RNF157: variants seen among roughly 807,000 people sequenced by gnomAD.
The protein encoded by RNF157 is ring finger protein 157.
A neutral mutation model predicts 88.3 loss-of-function variants in RNF157; 55 were observed. That is an observed-to-expected ratio of 0.62 (90% CI 0.50 to 0.78). RNF157 has a LOEUF of 0.78. Ranked by LOEUF, RNF157 falls within the 30% of genes least tolerant of loss-of-function variation. The probability of loss-of-function intolerance (pLI) is 0.00; values close to 1 mark genes in which losing one functional copy is unlikely to be tolerated. For missense variants in RNF157, 788 were observed against 860.8 expected, an observed-to-expected ratio of 0.92 and a Z score of 1.06; for synonymous variants, 334 against 341.2, an observed-to-expected ratio of 0.98 and a Z score of 0.23.
intron 2 of RNF157, among the ~76,000 whole-genome samples, chr17:76,192,426 G>C (rs1306354012): frequency 1.3e-5 from 2 of 152,068 alleles, no homozygotes; most frequent in Non-Finnish European, 2.9e-5. Context: ...TAAACTTGAG[G>C]GCAAAATCCA....
chr17:76,222,451 G>A (rs775793730), intron 1 of RNF157, among the ~76,000 whole-genome samples: 14 of 152,014 alleles, frequency 9.2e-5, no homozygotes, highest in African/African-American at 1.9e-4. Context: ...TTTATGTTAC[G>A]TGAACTTCGC....
At chr17:76,165,413 A>G in intron 7 of RNF157, 89 bp downstream of exon 7, 1 of 1,334,084 alleles carries the variant, frequency 7.5e-7, no homozygotes, top group Non-Finnish European at 1.1e-6. Context: ...CATTCTGCTG[A>G]GCTCAGGCAC....
At chr17:76,198,401 A>G (rs940211560) in intron 2 of RNF157, among the ~76,000 whole-genome samples, 14 of 152,180 alleles carry the variant, frequency 9.2e-5, no homozygotes, top group African/African-American at 3.4e-4. Flanking sequence ...TGATTCCAAA[A>G]CTGCCACAGA....
chr17:76,159,274 G>A (rs1340298039), intron 12 of RNF157, 61 bp downstream of exon 12: 10 of 1,427,312 alleles, frequency 7.0e-6, no homozygotes, highest in Admixed American at 3.4e-5. Context: ...CAGCACCAAG[G>A]AGGGATGAAG....
At chr17:76,158,362 C>T (rs761569954) in intron 13 of RNF157, 31 bp downstream of exon 13, 10 of 1,469,346 alleles carry the variant, frequency 6.8e-6, no homozygotes, top group Non-Finnish European at 9.5e-7. Flanking sequence ...TGGAGTACAA[C>T]ACCCAAGAAG....
intron 2 of RNF157, among the ~76,000 whole-genome samples, chr17:76,211,272 T>G (rs1397153408): frequency 6.6e-6 from 1 of 152,240 alleles, no homozygotes; most frequent in Non-Finnish European, 1.5e-5. Flanking sequence ...GCCTGTGCCG[T>G]GCTCTACTCC....
At chr17:76,148,128 A>G (rs570710313) in intron 18 of RNF157, among the ~76,000 whole-genome samples, 4 of 152,288 alleles carry the variant, frequency 2.6e-5, no homozygotes, top group Admixed American at 2.6e-4. Flanking sequence ...AGGCCTCTCA[A>G]AAAGAGGAGA....
intron 1 of RNF157, among the ~76,000 whole-genome samples, chr17:76,221,884 A>G (rs1320861048): frequency 6.6e-6 from 1 of 152,256 alleles, no homozygotes; most frequent in African/African-American, 2.4e-5. Context: ...ATGAACCTCC[A>G]AAACAGTATG....
chr17:76,146,429 G>C lies in RNF157; in HGVS notation c.1922-1076C>G, dbSNP rs2068586439. 3 of 985,516 alleles carry C rather than the reference G, an allele frequency of 3.0e-6. No individual in the cohort carries two copies. The highest frequency in any genetic ancestry group is 5.2e-4 in the Middle Eastern group (1 of 1,938). 61.0% of individuals were successfully genotyped at this position (985,516 alleles called of 1,614,324 possible). ...GAGTCCTCTTCATCTCCTGCCCACA[G>C]ATGAGCTCCTCCCTCCAGTGCCCTC... On this transcript the variant is annotated intron_variant, in intron 18 of 18. Coordinates refer to ENST00000269391, the MANE Select transcript of RNF157 (RefSeq NM_052916.3). This position sits in a 1 kb window ranked among gnomAD's most constrained non-coding sequence, Gnocchi z 4.2.
chr17:76,198,279 A>G (rs58839658), intron 2 of RNF157, among the ~76,000 whole-genome samples: 26,124 of 151,986 alleles, frequency 0.17, 5,644 homozygotes, highest in African/African-American at 0.51. Flanking sequence ...CTGTTGATAC[A>G]GGGACATTCT....
Position 76,146,780 on chromosome 17 carries a change from A to G in RNF157, c.1922-1427T>C. On this transcript the variant is annotated intron_variant, in intron 18 of 18. Transcript: ENST00000269391. The surrounding 1 kb of genome is among the most constrained non-coding windows in gnomAD (Gnocchi z 4.2). ...ACTGTTGCAGTCCAGAGCCCAGCAC[A>G]ACACCTGACCCATAGGAGGACCTGT... 2.0e-6 allele frequency: 2 copies of G among 985,368 alleles called. No homozygotes were observed. Among genetic ancestry groups the G allele is most frequent in the Non-Finnish European group, 2.4e-6 (2 of 829,830 alleles). 61.0% of individuals were successfully genotyped at this position (985,368 alleles called of 1,614,324 possible).
At position 76,215,914 on chromosome 17, in the gene RNF157, T is replaced by C. The variant is rs944565827; in HGVS notation, c.89-3432A>G. Among the ~76,000 whole-genome samples the C allele has an allele frequency of 1.1e-4, 16 of 152,326 alleles. No homozygotes were observed. In the South Asian group the frequency reaches 2.1e-3, roughly 20 times the overall value. On this transcript the variant is annotated intron_variant, in intron 1 of 18. Transcript: ENST00000269391. ...TTTAGGAAAGCTTAATTATCAATTA[T>C]TTATGTCTGGCACTTGCTAGCCCTA...
intron 2 of RNF157, chr17:76,175,620 A>G (rs2069090512): frequency 3.6e-6 from 1 of 275,350 alleles, no homozygotes; most frequent in South Asian, 1.4e-4. Context: ...AGGCAGGAAA[A>G]TCCGACACAA....
At position 76,158,402 on chromosome 17, in the gene RNF157, AT is replaced by A; in HGVS notation, c.1403del (p.His468LeufsTer8). On this transcript the variant is annotated frameshift_variant, in exon 13 of 19. Coordinates refer to ENST00000269391, the MANE Select transcript of RNF157 (RefSeq NM_052916.3). LOFTEE classifies it high-confidence loss of function. ...TQLSQRPSVQ[H>X]LGEECGVTPE... The stretch of plus-strand genomic sequence containing the variant: ...GAGGAATGTCAATTACCTCTCCGAG[AT>A]GCTGAACCGACGGTCTCTGAGAGAG... The A allele has an allele frequency of 6.2e-7, 1 of 1,611,332 alleles. No individual in the cohort carries two copies. Among genetic ancestry groups the A allele is most frequent in the African/African-American group, 1.3e-5 (1 of 74,976 alleles).
intron 2 of RNF157, among the ~76,000 whole-genome samples, chr17:76,187,066 G>A (rs1356933019): frequency 6.6e-6 from 1 of 152,068 alleles, no homozygotes. Flanking sequence ...AAACAAACAT[G>A]GAATTCAAAG....
intron 2 of RNF157, among the ~76,000 whole-genome samples, chr17:76,191,841 T>A (rs1438595449): frequency 6.6e-6 from 1 of 152,212 alleles, no homozygotes; most frequent in African/African-American, 2.4e-5. Context: ...GGGCTACTAT[T>A]TTATTTGATT....
chr17:76,148,291 GTC>G lies in RNF157; in HGVS notation c.1922-2940_1922-2939del, dbSNP rs371393248. ...TTTTTTTTTTTTTTTTTGAGACAGG[GTC>G]TCTTGCTCTGTCGCCCAGGCTGGAG... is the stretch of plus-strand genomic sequence containing the variant. On this transcript the variant is annotated intron_variant, in intron 18 of 18. Coordinates refer to ENST00000269391, the MANE Select transcript of RNF157 (RefSeq NM_052916.3). 6.9e-3 allele frequency among the ~76,000 whole-genome samples: 998 copies of G among 143,800 alleles called. 16 individuals are homozygous for G. The highest frequency in any genetic ancestry group is 0.025 in the African/African-American group (941 of 38,282). 94.3% of individuals were successfully genotyped at this position (143,800 alleles called of 152,430 possible).
rs2068832704 is a variant in RNF157 at position 76,160,583 on chromosome 17, ATGCCCTT to A, written c.1065+945_1065+951del. On this transcript the variant is annotated intron_variant, in intron 11 of 18. Coordinates refer to ENST00000269391, the MANE Select transcript of RNF157 (RefSeq NM_052916.3). The surrounding 1 kb of genome is among the most constrained non-coding windows in gnomAD (Gnocchi z 4.3). ...ATTCTATGTTGAGTGTGTTTTGTTT[ATGCCCTT>A]TGCCCTTTTATCTACTGTTTTATTC... Among the ~76,000 whole-genome samples, 1 of 152,312 alleles carries A rather than the reference ATGCCCTT, an allele frequency of 6.6e-6. No homozygotes were observed. The highest frequency in any genetic ancestry group is 1.9e-4 in the East Asian group (1 of 5,184).
intron 2 of RNF157, among the ~76,000 whole-genome samples, chr17:76,199,568 G>GT (rs1320961938): frequency 2.2e-5 from 2 of 89,018 alleles, no homozygotes; most frequent in Non-Finnish European, 4.2e-5. Flanking sequence ...GCAGCTGAAA[G>GT]TTAAAAAAAA....
Sources: allele counts gnomAD v4.1 joint callset (sites outside exome capture counted in the v4.1 genomes callset), GRCh38; gene constraint gnomAD v4.1.1; non-coding constraint Gnocchi (gnomAD v3.1); transcripts MANE v1.5; gene names NCBI Gene and HGNC (gene_info 2026-07-23, HGNC 2026-07-21).